The following SPATA6L variants were observed in gnomAD, a reference collection of about 807,000 sequenced individuals.
The protein encoded by SPATA6L is spermatogenesis associated 6 like.
SPATA6L carries 68 observed loss-of-function variants against 49.2 expected under a neutral mutation model. That is an observed-to-expected ratio of 1.38 (90% CI 1.14 to 1.69). The LOEUF is 1.69. Ranked by LOEUF, SPATA6L falls within the 40% of genes most tolerant of loss-of-function variation. SPATA6L has a pLI of 0.00. For missense variants in SPATA6L, 668 were observed against 464.3 expected (o/e 1.44, Z -4.03); for synonymous variants, 198 against 165.7 (o/e 1.19, Z -1.50).
At chr9:4,640,416 G>A (rs1833779411) in intron 3 of SPATA6L, among the ~76,000 whole-genome samples, 1 of 152,088 alleles carries the variant, frequency 6.6e-6, no homozygotes, top group East Asian at 1.9e-4. Context: ...TGTCTTTTGA[G>A]TATAAGTGTG....
chr9:4,656,746 A>G (rs1838320276), intron 2 of SPATA6L, among the ~76,000 whole-genome samples: 1 of 152,222 alleles, frequency 6.6e-6, no homozygotes, highest in South Asian at 2.1e-4. Flanking sequence ...TTTGTTGCTA[A>G]AAGCCCATCT....
intron 11 of SPATA6L, among the ~76,000 whole-genome samples, chr9:4,602,151 T>C (rs301450): frequency 0.64 from 96,652 of 150,032 alleles, 32,398 homozygotes; most frequent in Middle Eastern, 0.8. Flanking sequence ...TTTTTTTTTT[T>C]CTTTTCTTAC....
At chr9:4,651,930 G>A (rs73393896) in intron 3 of SPATA6L, among the ~76,000 whole-genome samples, 5,218 of 152,188 alleles carry the variant, frequency 0.034, 279 homozygotes, top group African/African-American at 0.12. Flanking sequence ...ATTCAATACT[G>A]TACTGGAGAT....
chr9:4,625,706 T>A, intron 5 of SPATA6L, 140 bp from the exon 6 acceptor site: 1 of 545,584 alleles, frequency 1.8e-6, no homozygotes, highest in Non-Finnish European at 2.9e-6. Context: ...AACATAAACT[T>A]AAGAAGGACA....
intron 7 of SPATA6L, 45 bp downstream of exon 7, chr9:4,622,363 T>C: frequency 8.5e-7 from 1 of 1,182,958 alleles, no homozygotes; most frequent in South Asian, 1.2e-5. Flanking sequence ...AGGACGCATT[T>C]GTTGCCATAG....
At chr9:4,619,282 G>A (rs1024855107) in intron 7 of SPATA6L, among the ~76,000 whole-genome samples, 6 of 149,328 alleles carry the variant, frequency 4.0e-5, no homozygotes, top group Admixed American at 6.8e-5. Flanking sequence ...TCAGCCTCCC[G>A]AGTAGCTGGG....
Position 4,662,490 on chromosome 9 carries a change from G to C in SPATA6L, c.40-454C>G. On this transcript the variant is annotated intron_variant, in intron 1 of 11. Transcript: ENST00000682582. This position sits in a 1 kb window ranked among gnomAD's most constrained non-coding sequence, Gnocchi z 4.9. ...CGGCGGTGGCGGCGGCAGCAGGTTT[G>C]AGTTCCAGTCCCTGCTCAGCAGCCG... The C allele has an allele frequency of 6.4e-7, 1 of 1,557,906 alleles. No individual in the cohort carries two copies. Among genetic ancestry groups the C allele is most frequent in the Non-Finnish European group, 8.6e-7 (1 of 1,161,526 alleles).
At chr9:4,617,261 T>C (rs2130344446) in intron 9 of SPATA6L, 1 of 152,314 alleles carries the variant, frequency 6.6e-6, no homozygotes, top group Middle Eastern at 3.4e-3. Context: ...AACAATGATC[T>C]TATAAATATT....
intron 3 of SPATA6L, among the ~76,000 whole-genome samples, chr9:4,640,382 A>T (rs1833772560): frequency 6.6e-6 from 1 of 152,226 alleles, no homozygotes; most frequent in African/African-American, 2.4e-5. Context: ...ATTTACTTGT[A>T]CCATTAACTT....
chr9:4,634,550 C>A (rs935018675), intron 4 of SPATA6L, among the ~76,000 whole-genome samples: 5 of 152,084 alleles, frequency 3.3e-5, no homozygotes, highest in Admixed American at 6.6e-5. Flanking sequence ...AAAGTAGAAA[C>A]AATAACAAAT....
intron 11 of SPATA6L, among the ~76,000 whole-genome samples, chr9:4,601,610 C>T (rs1823302126): frequency 6.6e-6 from 1 of 152,156 alleles, no homozygotes; most frequent in African/African-American, 2.4e-5. Flanking sequence ...TAAGAATCTA[C>T]TTTTTCATCT....
Position 4,598,751 on chromosome 9 carries a change from C to T in SPATA6L, c.*2060G>A, listed in dbSNP as rs532427580. On this transcript the variant is annotated 3_prime_UTR_variant, in exon 12 of 12. Coordinates refer to ENST00000682582, the MANE Select transcript of SPATA6L (RefSeq NM_001353486.2). Reference sequence around the variant, plus strand: ...AGCAGCCCTCTCCTGAGACTTATAGCGTAACCTTAATGTAACACAATATTT... The same window carrying T: ...AGCAGCCCTCTCCTGAGACTTATAGTGTAACCTTAATGTAACACAATATTT... Among the ~76,000 whole-genome samples the T allele has an allele frequency of 2.6e-5, 4 of 152,188 alleles. No individual in the cohort carries two copies. The highest frequency in any genetic ancestry group is 3.8e-4 in the East Asian group (2 of 5,198).
chr9:4,646,118 G>A (rs566559782), intron 3 of SPATA6L, among the ~76,000 whole-genome samples: 72 of 120,134 alleles, frequency 6.0e-4, no homozygotes, highest in African/African-American at 2.2e-3. Context: ...AATGTCTTAG[G>A]GTTTTACACA....
intron 9 of SPATA6L, among the ~76,000 whole-genome samples, chr9:4,612,774 T>G (rs1291549919): frequency 6.6e-6 from 1 of 152,180 alleles, no homozygotes; most frequent in Non-Finnish European, 1.5e-5. Flanking sequence ...ATTGAATTCA[T>G]TCTCTCGTTC....
intron 7 of SPATA6L, among the ~76,000 whole-genome samples, chr9:4,620,931 T>C (rs879185215): frequency 6.6e-6 from 1 of 152,204 alleles, no homozygotes; most frequent in Admixed American, 6.5e-5. Flanking sequence ...TTAAATTAAA[T>C]GTCAGAGGTG....
intron 9 of SPATA6L, among the ~76,000 whole-genome samples, chr9:4,606,780 CA>C (rs1174760547): frequency 6.8e-6 from 1 of 148,052 alleles, no homozygotes; most frequent in African/African-American, 2.5e-5. Flanking sequence ...AGCAATGGAA[CA>C]AAGCTGGACG....
intron 3 of SPATA6L, among the ~76,000 whole-genome samples, chr9:4,638,605 A>G (rs560639245): frequency 6.6e-6 from 1 of 152,148 alleles, no homozygotes; most frequent in African/African-American, 2.4e-5. Context: ...GCTCCCTGTG[A>G]TGGGTATAAT....
chr9:4,638,065 G>A (rs571103383), intron 3 of SPATA6L, among the ~76,000 whole-genome samples: 13 of 152,254 alleles, frequency 8.5e-5, no homozygotes, highest in African/African-American at 3.1e-4. Context: ...TATAATCAAT[G>A]CCCTCCAGGA....
intron 2 of SPATA6L, among the ~76,000 whole-genome samples, chr9:4,660,380 C>T (rs1039997587): frequency 1.3e-5 from 2 of 152,184 alleles, no homozygotes; most frequent in Non-Finnish European, 2.9e-5. Context: ...AGGACATGAA[C>T]AGACACTTCT....
Sources: allele counts gnomAD v4.1 joint callset (sites outside exome capture counted in the v4.1 genomes callset), GRCh38; gene constraint gnomAD v4.1.1; non-coding constraint Gnocchi (gnomAD v3.1); transcripts MANE v1.5; gene names NCBI Gene and HGNC (gene_info 2026-07-23, HGNC 2026-07-21).